Variants in N4BP2 observed in about 807,000 individuals in gnomAD.
The protein encoded by N4BP2 is NEDD4-binding protein 2.
In N4BP2, 91 loss-of-function variants were observed where a neutral mutation model predicts 152.8. The ratio of observed to expected loss-of-function variants is 0.60; its 90% confidence interval spans 0.50 to 0.71. The LOEUF (loss-of-function observed/expected upper bound fraction) is 0.71, where lower values mean the gene tolerates loss of function less well. Ranked by LOEUF, N4BP2 falls within the 30% of genes least tolerant of loss-of-function variation. The probability of loss-of-function intolerance (pLI) is 0.00; values close to 1 mark genes in which losing one functional copy is unlikely to be tolerated. For missense variants in N4BP2, 1,923 were observed against 2,059.1 expected (o/e 0.93, Z 1.28); for synonymous variants, 646 against 705.3 (o/e 0.92, Z 1.33).
intron 12 of N4BP2, among the ~76,000 whole-genome samples, chr4:40,129,433 G>A (rs888722329): frequency 6.6e-6 from 1 of 152,028 alleles, no homozygotes; most frequent in Non-Finnish European, 1.5e-5. Context: ...CACCATGTTG[G>A]CCAGGCTGGT....
intron 1 of N4BP2, among the ~76,000 whole-genome samples, chr4:40,062,267 A>G (rs1028225663): frequency 6.6e-6 from 1 of 151,746 alleles, no homozygotes; most frequent in Non-Finnish European, 1.5e-5. Context: ...TTTAATAGAG[A>G]TGGGGTTTCA....
At chr4:40,137,546 A>G (rs901682926) in intron 14 of N4BP2, among the ~76,000 whole-genome samples, 47 of 152,282 alleles carry the variant, frequency 3.1e-4, no homozygotes, top group African/African-American at 1.0e-3. Flanking sequence ...TATTATAACC[A>G]TTGTAGTGAG....
At chr4:40,067,970 G>A (rs1303874350) in intron 1 of N4BP2, among the ~76,000 whole-genome samples, 1 of 152,180 alleles carries the variant, frequency 6.6e-6, no homozygotes. Context: ...ATGAGCCACT[G>A]CACCTGGCCT....
At chr4:40,057,778 T>G (rs1289120770) in intron 1 of N4BP2, among the ~76,000 whole-genome samples, 1 of 152,138 alleles carries the variant, frequency 6.6e-6, no homozygotes, top group Non-Finnish European at 1.5e-5. Flanking sequence ...AAATAGTTTT[T>G]TTTTTCCCTC....
intron 1 of N4BP2, among the ~76,000 whole-genome samples, chr4:40,064,204 C>A (rs1560566021): frequency 1.3e-5 from 2 of 152,114 alleles, no homozygotes; most frequent in South Asian, 2.1e-4. Context: ...ATTCCAGGTA[C>A]GAAAATGGTA....
In N4BP2 at chr4:40,117,962, G is replaced by A. The variant is rs779372401; in HGVS notation, c.1758G>A (p.Ser586=). 14 of 1,612,326 alleles carry A rather than the reference G, an allele frequency of 8.7e-6. No homozygotes were observed. Among genetic ancestry groups the A allele is most frequent in the African/African-American group, 4.0e-5 (3 of 74,824 alleles). The change falls in exon 8 of 18, where the codon TCG becomes TCA. Residue 586 remains serine (S), a synonymous_variant. Transcript: ENST00000261435. The part of the protein sequence containing the change: ...FVSVPIIMSS[S]VPEKIERIEL... ...CAGTGCCAATAATTATGAGTTCTTC[G>A]GTTCCAGAGAAAATTGAACGTATTG...
At chr4:40,057,725 A>T (rs962361923) in intron 1 of N4BP2, among the ~76,000 whole-genome samples, 1 of 152,098 alleles carries the variant, frequency 6.6e-6, no homozygotes, top group Non-Finnish European at 1.5e-5. Context: ...AGAGTGAGTC[A>T]TCTTAGCGGG....
chr4:40,087,612 C>T (rs1224608695), intron 2 of N4BP2, among the ~76,000 whole-genome samples: 10 of 151,922 alleles, frequency 6.6e-5, no homozygotes, highest in Non-Finnish European at 1.5e-4. Flanking sequence ...GATCTGCCCA[C>T]CTTGGCCTCC....
At chr4:40,132,337 TTTTA>T (rs1312758103) in intron 13 of N4BP2, among the ~76,000 whole-genome samples, 22 of 152,220 alleles carry the variant, frequency 1.4e-4, no homozygotes, top group African/African-American at 5.1e-4. Context: ...GAGTTTTATG[TTTTA>T]TTTAGGGAGT....
intron 6 of N4BP2, 135 bp from the exon 7 acceptor site, chr4:40,113,297 T>G (rs573508777): frequency 3.3e-6 from 2 of 603,648 alleles, no homozygotes; most frequent in East Asian, 2.9e-5. Flanking sequence ...TTAAAGTGAT[T>G]GTATATTTTG....
At chr4:40,112,684 CT>C (rs1716998421) in intron 6 of N4BP2, among the ~76,000 whole-genome samples, 1 of 151,520 alleles carries the variant, frequency 6.6e-6, no homozygotes, top group Non-Finnish European at 1.5e-5. Context: ...TCTTGCCCTT[CT>C]TGCTCTTTTT....
At chr4:40,151,705 A>T (rs574805041) in intron 16 of N4BP2, among the ~76,000 whole-genome samples, 141 of 152,378 alleles carry the variant, frequency 9.3e-4, no homozygotes, top group Non-Finnish European at 1.8e-3. Flanking sequence ...GTGCACTGTG[A>T]ATACCTTTGT....
chr4:40,142,586 G>C (rs761935067), intron 14 of N4BP2, 87 bp from the exon 15 acceptor site: 38 of 866,676 alleles, frequency 4.4e-5, no homozygotes, highest in Non-Finnish European at 6.3e-5. Context: ...CGACAGCCCA[G>C]TTTTCATGTG....
At chr4:40,064,017 C>T (rs1038222109) in intron 1 of N4BP2, among the ~76,000 whole-genome samples, 2 of 151,672 alleles carry the variant, frequency 1.3e-5, no homozygotes, top group African/African-American at 2.4e-5. Flanking sequence ...AGGCTGGTCT[C>T]GAACTCCTGA....
chr4:40,122,377 A>ATTT, intron 9 of N4BP2, 68 bp downstream of exon 9: 2 of 904,102 alleles, frequency 2.2e-6, no homozygotes, highest in Non-Finnish European at 3.1e-6. Flanking sequence ...TCTATTTTGT[A>ATTT]TTTTTTTTTT....
chr4:40,090,358 A>G lies in N4BP2; in HGVS notation c.-114-6869A>G, dbSNP rs972347823. On this transcript the variant is annotated intron_variant, in intron 2 of 17. Transcript: ENST00000261435. Reference sequence around the variant, plus strand: ...AGGCATTTTCTTAAACGTGTATATCAATTTGGGGAAGAATTGACATATTTA... The same window carrying G: ...AGGCATTTTCTTAAACGTGTATATCGATTTGGGGAAGAATTGACATATTTA... Among the ~76,000 whole-genome samples the G allele has an allele frequency of 6.6e-5, 10 of 152,190 alleles. No homozygotes were observed. In the East Asian group the frequency reaches 1.9e-3, roughly 29 times the overall value.
At chr4:40,073,035 A>G (rs1325191971) in intron 1 of N4BP2, among the ~76,000 whole-genome samples, 1 of 152,064 alleles carries the variant, frequency 6.6e-6, no homozygotes, top group Non-Finnish European at 1.5e-5. Flanking sequence ...CAATTTCTTT[A>G]CCAACTTTTC....
intron 14 of N4BP2, among the ~76,000 whole-genome samples, chr4:40,137,976 C>T (rs1376809121): frequency 1.3e-5 from 2 of 152,062 alleles, no homozygotes; most frequent in Admixed American, 6.6e-5. Flanking sequence ...AAATGAAAGG[C>T]GTGCTCCCAG....
At chr4:40,096,962 T>C (rs527239458) in intron 2 of N4BP2, among the ~76,000 whole-genome samples, 1 of 152,212 alleles carries the variant, frequency 6.6e-6, no homozygotes. Flanking sequence ...TAATTATATT[T>C]ATGAAGACTT....
Sources: allele counts gnomAD v4.1 joint callset (sites outside exome capture counted in the v4.1 genomes callset), GRCh38; gene constraint gnomAD v4.1.1; transcripts MANE v1.5; gene names NCBI Gene and HGNC (gene_info 2026-07-23, HGNC 2026-07-21).